The following LRRC39 variants were observed in gnomAD, a reference collection of about 807,000 sequenced individuals.
LRRC39 encodes leucine rich repeat containing 39.
In LRRC39, 35 loss-of-function variants were observed where a neutral mutation model predicts 39.7. That is an observed-to-expected ratio of 0.88 (90% CI 0.67 to 1.17). The LOEUF is 1.17. LRRC39 is among the 50% of genes most tolerant of loss of function. The probability of loss-of-function intolerance (pLI) is 0.00; values close to 1 mark genes in which losing one functional copy is unlikely to be tolerated. For synonymous variants in LRRC39, 113 were observed against 134.1 expected (o/e 0.84, Z 1.09); for missense variants, 357 against 385.8 (o/e 0.93, Z 0.62).
At chr1:100,165,402 A>C (rs1468084811) in intron 3 of LRRC39, among the ~76,000 whole-genome samples, 1 of 152,152 alleles carries the variant, frequency 6.6e-6, no homozygotes, top group Non-Finnish European at 1.5e-5. Flanking sequence ...AATTAATGAC[A>C]AAGATCCCTT....
chr1:100,163,265 C>A (rs72973721), intron 3 of LRRC39, among the ~76,000 whole-genome samples: 4,772 of 152,246 alleles, frequency 0.031, 271 homozygotes, highest in African/African-American at 0.11. Flanking sequence ...AATTAGGAAT[C>A]TTATCCCTTG....
chr1:100,162,652 GA>G (rs1658973746), intron 3 of LRRC39, among the ~76,000 whole-genome samples: 1 of 151,018 alleles, frequency 6.6e-6, no homozygotes, highest in South Asian at 2.1e-4. Flanking sequence ...AAAAAAAAAA[GA>G]AAGAAAAGAA....
At chr1:100,169,463 A>G (rs898651557) in intron 2 of LRRC39, among the ~76,000 whole-genome samples, 1 of 152,104 alleles carries the variant, frequency 6.6e-6, no homozygotes, top group African/African-American at 2.4e-5. Context: ...TACTAAACTC[A>G]CTAATGCTCA....
intron 1 of LRRC39, among the ~76,000 whole-genome samples, chr1:100,177,310 T>A (rs1175549873): frequency 6.6e-6 from 1 of 152,254 alleles, no homozygotes; most frequent in African/African-American, 2.4e-5. Context: ...TTTTCATTAT[T>A]AACCTCTTCT....
rs529877317 is a variant in LRRC39, at chr1:100,149,526, T to G, written c.953-429A>C. 2,574 of 1,264,224 alleles carry G rather than the reference T, an allele frequency of 2.0e-3. 2 individuals carry two copies. The highest frequency in any genetic ancestry group is 2.9e-3 in the Admixed American group (101 of 34,576). 78.3% of individuals were successfully genotyped at this position (1,264,224 alleles called of 1,614,324 possible). ...TCCAAAAAGATACTTACAAACATAA[T>G]TCACAAATTTGAAATAATTTCTGAA... On this transcript the variant is annotated intron_variant, in intron 9 of 9. Transcript: ENST00000370137.
chr1:100,174,629 T>G (rs1659841071), intron 1 of LRRC39, among the ~76,000 whole-genome samples: 1 of 152,180 alleles, frequency 6.6e-6, no homozygotes, highest in African/African-American at 2.4e-5. Context: ...GAAATTATAT[T>G]GGGACAGTTG....
rs554876572 is a variant in LRRC39, at chr1:100,148,739, T to C, written c.*303A>G. On this transcript the variant is annotated 3_prime_UTR_variant, in exon 10 of 10. Coordinates refer to ENST00000370137, the MANE Select transcript of LRRC39 (RefSeq NM_144620.4). The stretch of plus-strand genomic sequence containing the variant: ...GATTCAGTCCTGCTTTGCAGTACTA[T>C]ACAGACCCTCTGGTGTCTTTGGAAA... 4.6e-5 allele frequency: 73 copies of C among 1,599,340 alleles called. No individual in the cohort carries two copies. The East Asian group carries it at 1.6e-3, about 34-fold the overall frequency.
intron 6 of LRRC39, among the ~76,000 whole-genome samples, chr1:100,157,730 ACTT>A (rs771847981): frequency 6.6e-6 from 1 of 152,170 alleles, no homozygotes. Flanking sequence ...CACCATGGAA[ACTT>A]CTTCACTGAT....
chr1:100,175,978 T>C (rs781379258), intron 1 of LRRC39, among the ~76,000 whole-genome samples: 5 of 152,210 alleles, frequency 3.3e-5, no homozygotes, highest in Non-Finnish European at 5.9e-5. Context: ...GAAATACTTA[T>C]GTACTAATAT....
At chr1:100,176,298 C>T (rs1179159171) in intron 1 of LRRC39, among the ~76,000 whole-genome samples, 1 of 152,218 alleles carries the variant, frequency 6.6e-6, no homozygotes, top group African/African-American at 2.4e-5. Context: ...CGTGGTGGCA[C>T]ATGCCTGTAA....
chr1:100,155,132 A>G lies in LRRC39; in HGVS notation c.731T>C (p.Met244Thr). The G allele has an allele frequency of 1.9e-6, 3 of 1,610,902 alleles. No homozygotes were observed. Among genetic ancestry groups the G allele is most frequent in the Non-Finnish European group, 2.5e-6 (3 of 1,178,702 alleles). The change falls in exon 8 of 10, where the codon ATG (methionine) becomes ACG (threonine). Residue 244 changes from methionine to threonine, a missense_variant. By Grantham distance (81) the Met-to-Thr change is moderately conservative. Coordinates refer to ENST00000370137, the MANE Select transcript of LRRC39 (RefSeq NM_144620.4). Reference protein sequence around the residue: ...ITCLPQTISNMKNLGTLVLSN... With the variant: ...ITCLPQTISNTKNLGTLVLSN... ...GAGAACAAGAGTACCCAGATTTTTCATATTGCTGATTGTTTGAGGCAAGCA... is the reference window on the plus strand; with the variant it reads ...GAGAACAAGAGTACCCAGATTTTTCGTATTGCTGATTGTTTGAGGCAAGCA...
At chr1:100,171,242 T>G (rs1273642164) in intron 2 of LRRC39, among the ~76,000 whole-genome samples, 4 of 152,056 alleles carry the variant, frequency 2.6e-5, no homozygotes, top group Non-Finnish European at 4.4e-5. Flanking sequence ...ATGAATAAAC[T>G]TACTTAAATG....
chr1:100,177,395 A>G (rs1382544647), intron 1 of LRRC39, among the ~76,000 whole-genome samples: 1 of 152,230 alleles, frequency 6.6e-6, no homozygotes, highest in Non-Finnish European at 1.5e-5. Flanking sequence ...GGAGAACTAT[A>G]TTACAGAAAA....
At chr1:100,167,231 G>T (rs1659310905) in intron 3 of LRRC39, among the ~76,000 whole-genome samples, 1 of 152,054 alleles carries the variant, frequency 6.6e-6, no homozygotes, top group African/African-American at 2.4e-5. Context: ...AATGATCATT[G>T]GCTGTGATGC....
chr1:100,154,857 T>C (rs1047169292), intron 8 of LRRC39, among the ~76,000 whole-genome samples, 194 bp downstream of exon 8: 1 of 152,254 alleles, frequency 6.6e-6, no homozygotes, highest in Non-Finnish European at 1.5e-5. Context: ...TTTTAAGGAT[T>C]CTTTCTTGAA....
At chr1:100,156,125 G>C in intron 7 of LRRC39, 47 bp downstream of exon 7, 1 of 1,558,406 alleles carries the variant, frequency 6.4e-7, no homozygotes, top group Non-Finnish European at 8.7e-7. Context: ...TTTTTCATAA[G>C]AGGTTTCAAG....
At chr1:100,156,145 A>G (rs1658426414) in intron 7 of LRRC39, 27 bp downstream of exon 7, 1 of 1,591,034 alleles carries the variant, frequency 6.3e-7, no homozygotes, top group Non-Finnish European at 8.6e-7. Flanking sequence ...GACTTTTATC[A>G]TTAGCATAAA....
chr1:100,154,995 T>C lies in LRRC39; in HGVS notation c.812+56A>G. The C allele has an allele frequency of 6.0e-6, 9 of 1,487,806 alleles. No homozygotes were observed. In the South Asian group the frequency reaches 1.3e-4, roughly 21 times the overall value. 92.2% of individuals were successfully genotyped at this position (1,487,806 alleles called of 1,614,324 possible). A position where few individuals can be genotyped will look rare whatever the true frequency, so the allele number is the denominator to read the frequency against. ...AATAACAATCTCTCTACAGTACTTT[T>C]TTCTGTAGCCAGAAAGAAAGCAAGG... On this transcript the variant is annotated intron_variant, in intron 8 of 9. Transcript: ENST00000370137.
At position 100,148,854 on chromosome 1, in the gene LRRC39, C is replaced by T; in HGVS notation, c.*188G>A. The T allele has an allele frequency of 1.5e-6, 2 of 1,323,964 alleles. 1 individual carries two copies. Among genetic ancestry groups the T allele is most frequent in the Non-Finnish European group, 2.0e-6 (2 of 1,022,908 alleles). 82.0% of individuals were successfully genotyped at this position (1,323,964 alleles called of 1,614,324 possible). A position where few individuals can be genotyped will look rare whatever the true frequency, so the allele number is the denominator to read the frequency against. ...AAATTTGAGCATCATCTGTCTTCCACCAAAAAAAATTTTTTAATTATATTT... is the reference window on the plus strand; with the variant it reads ...AAATTTGAGCATCATCTGTCTTCCATCAAAAAAAATTTTTTAATTATATTT... On this transcript the variant is annotated 3_prime_UTR_variant, in exon 10 of 10. Coordinates refer to ENST00000370137, the MANE Select transcript of LRRC39 (RefSeq NM_144620.4).
Sources: gnomAD v4.1 joint callset for allele counts (sites outside exome capture counted in the v4.1 genomes callset) on GRCh38, gnomAD v4.1.1 for gene constraint, MANE v1.5 for transcripts, NCBI Gene and HGNC (gene_info 2026-07-23, HGNC 2026-07-21) for gene names.